ANKRD44: variants seen among roughly 807,000 people sequenced by gnomAD.
ANKRD44 encodes the protein serine/threonine-protein phosphatase 6 regulatory ankyrin repeat subunit B.
In ANKRD44, 35 loss-of-function variants were observed where a neutral mutation model predicts 116.0. The ratio of observed to expected loss-of-function variants is 0.30; its 90% CI spans 0.23 to 0.40. The LOEUF (loss-of-function observed/expected upper bound fraction) is 0.40, where lower values mean the gene tolerates loss of function less well. Ranked by LOEUF, ANKRD44 falls within the 10% of genes least tolerant of loss-of-function variation. The pLI is 1.00. For synonymous variants in ANKRD44, 435 were observed against 461.8 expected, an observed-to-expected ratio of 0.94 and a Z score of 0.74; for missense variants, 1,014 against 1,242.6, an observed-to-expected ratio of 0.82 and a Z score of 2.77.
chr2:197,237,244 C>T (rs530894342), intron 1 of ANKRD44, among the ~76,000 whole-genome samples: 3 of 152,260 alleles, frequency 2.0e-5, no homozygotes, highest in African/African-American at 7.2e-5. Context: ...GCACAAAATA[C>T]TATATATGTT....
chr2:196,973,565 T>C (rs540536916), intron 21 of ANKRD44, among the ~76,000 whole-genome samples: 1 of 152,300 alleles, frequency 6.6e-6, no homozygotes, highest in South Asian at 2.1e-4. Context: ...TCAGTGAAAA[T>C]AAGTCTCCTT....
At chr2:197,295,644 TC>T (rs1559228677) in intron 1 of ANKRD44, among the ~76,000 whole-genome samples, 1 of 152,184 alleles carries the variant, frequency 6.6e-6, no homozygotes, top group Non-Finnish European at 1.5e-5. Flanking sequence ...TGTCCTCATT[TC>T]TTAAAGAAAA....
At chr2:197,078,666 G>T (rs773508254) in intron 16 of ANKRD44, 37 bp downstream of exon 16, 1 of 1,605,118 alleles carries the variant, frequency 6.2e-7, no homozygotes, top group Non-Finnish European at 8.5e-7. Context: ...GTATGTGTGT[G>T]TGTGTGTGTT....
At chr2:197,109,394 A>AC (rs1315911533) in intron 9 of ANKRD44, among the ~76,000 whole-genome samples, 1 of 152,160 alleles carries the variant, frequency 6.6e-6, no homozygotes, top group East Asian at 1.9e-4. Flanking sequence ...TTGCACGGTT[A>AC]ATTTCTGTTT....
intron 1 of ANKRD44, among the ~76,000 whole-genome samples, chr2:197,281,563 T>C (rs899148111): frequency 1.3e-5 from 2 of 152,136 alleles, no homozygotes; most frequent in African/African-American, 4.8e-5. Flanking sequence ...GGCCTGGTAA[T>C]TTACAAAATC....
At chr2:197,239,416 A>G (rs916746308) in intron 1 of ANKRD44, among the ~76,000 whole-genome samples, 4 of 152,044 alleles carry the variant, frequency 2.6e-5, no homozygotes, top group African/African-American at 9.7e-5. Flanking sequence ...TTTTTTGTAG[A>G]CATGGGGTTT....
intron 1 of ANKRD44, 62 bp from the exon 2 acceptor site, chr2:197,187,168 C>A: frequency 6.9e-7 from 1 of 1,450,748 alleles, no homozygotes; most frequent in Non-Finnish European, 9.7e-7. Context: ...CATACAGATG[C>A]AGATGGTGAG....
chr2:197,181,214 G>A (rs2080496252), intron 2 of ANKRD44, among the ~76,000 whole-genome samples: 1 of 152,082 alleles, frequency 6.6e-6, no homozygotes, highest in Admixed American at 6.5e-5. Flanking sequence ...AGTGTTAACA[G>A]CTTTACAAAA....
intron 16 of ANKRD44, among the ~76,000 whole-genome samples, chr2:197,064,350 A>C (rs922729717): frequency 6.6e-6 from 1 of 152,200 alleles, no homozygotes. Context: ...CAAAAACATG[A>C]CAAATTGTAA....
At chr2:197,219,594 TG>T (rs2081538395) in intron 1 of ANKRD44, among the ~76,000 whole-genome samples, 1 of 152,166 alleles carries the variant, frequency 6.6e-6, no homozygotes, top group African/African-American at 2.4e-5. Context: ...CTTTGAGAGC[TG>T]TTTTAAAAAT....
At chr2:197,134,925 T>C (rs1378185514) in intron 4 of ANKRD44, 4 of 152,174 alleles carry the variant, frequency 2.6e-5, no homozygotes, top group Admixed American at 2.6e-4. Flanking sequence ...ACCCACTCAG[T>C]CAGCTCACTG....
At chr2:196,970,098 T>A (rs182470110) in intron 21 of ANKRD44, among the ~76,000 whole-genome samples, 1 of 152,304 alleles carries the variant, frequency 6.6e-6, no homozygotes, top group East Asian at 1.9e-4. Flanking sequence ...CTTTCCATGA[T>A]CCTAAATTTG....
At chr2:197,060,674 C>T (rs2077292743) in intron 16 of ANKRD44, among the ~76,000 whole-genome samples, 1 of 152,202 alleles carries the variant, frequency 6.6e-6, no homozygotes, top group African/African-American at 2.4e-5. Flanking sequence ...CTTTGACCAA[C>T]ATCTCCCCAT....
intron 1 of ANKRD44, among the ~76,000 whole-genome samples, chr2:197,215,861 C>T (rs1417066166): frequency 6.6e-6 from 1 of 152,168 alleles, no homozygotes; most frequent in Non-Finnish European, 1.5e-5. Flanking sequence ...TATTGAGGGT[C>T]TTTAAAAGCT....
chr2:197,279,073 A>T (rs2105819303), intron 1 of ANKRD44, among the ~76,000 whole-genome samples: 1 of 152,318 alleles, frequency 6.6e-6, no homozygotes, highest in East Asian at 1.9e-4. Context: ...AATATTTCAT[A>T]ACCACATGAT....
At chr2:197,187,644 TTCTCTCTCTCTCTC>T (rs55952976) in intron 1 of ANKRD44, among the ~76,000 whole-genome samples, 5 of 134,638 alleles carry the variant, frequency 3.7e-5, no homozygotes, top group Non-Finnish European at 6.7e-5. Context: ...CACGTTCTCA[TTCTCTCTCTCTCTC>T]TCTCTCTCTC....
chr2:197,077,574 G>A (rs987826301), intron 16 of ANKRD44, among the ~76,000 whole-genome samples: 18 of 152,120 alleles, frequency 1.2e-4, no homozygotes, highest in African/African-American at 4.3e-4. Context: ...TGCTTTGTAC[G>A]AACTACACCC....
intron 14 of ANKRD44, among the ~76,000 whole-genome samples, 185 bp downstream of exon 14, chr2:197,083,184 G>T (rs528793411): frequency 5.9e-5 from 9 of 152,310 alleles, no homozygotes; most frequent in African/African-American, 1.9e-4. Flanking sequence ...ATTGTGCAGT[G>T]ACATGTAATA....
At chr2:197,294,345 G>C (rs1367047917) in intron 1 of ANKRD44, among the ~76,000 whole-genome samples, 6 of 152,118 alleles carry the variant, frequency 3.9e-5, no homozygotes, top group Non-Finnish European at 7.4e-5. Flanking sequence ...TCTGAGAAAA[G>C]TGAACCTTTA....
Sources: allele counts gnomAD v4.1 joint callset (sites outside exome capture counted in the v4.1 genomes callset), GRCh38; gene constraint gnomAD v4.1.1; transcripts MANE v1.5; gene names NCBI Gene and HGNC (gene_info 2026-07-23, HGNC 2026-07-21).